CACNA1E: variants seen among roughly 807,000 people sequenced by gnomAD.
CACNA1E encodes the protein voltage-dependent R-type calcium channel subunit alpha-1E.
CACNA1E carries 40 observed loss-of-function variants against 259.2 expected under a neutral mutation model. The observed-to-expected ratio is 0.15, with a 90% CI of 0.12 to 0.20. The LOEUF (loss-of-function observed/expected upper bound fraction) is 0.20. Among genes scored for constraint, CACNA1E ranks in the 10% least tolerant of loss-of-function variants. CACNA1E has a pLI of 1.00. For missense variants in CACNA1E, 1,874 were observed against 3,040.1 expected, an observed-to-expected ratio of 0.62 and a Z score of 9.02; for synonymous variants, 1,104 against 1,138.5, an observed-to-expected ratio of 0.97 and a Z score of 0.61.
At chr1:181,442,240 A>ACACAGGTGTGAAGGG (rs140563710) in intron 2 of CACNA1E, among the ~76,000 whole-genome samples, 26,219 of 141,980 alleles carry the variant, frequency 0.18, 2,735 homozygotes, top group African/African-American at 0.26. Flanking sequence ...AGTATGAGGG[A>ACACAGGTGTGAAGGG]CACAGGTGTG....
rs573017643 is a variant in CACNA1E, at chr1:181,669,542, C to G, written c.1055+18101C>G. Among the ~76,000 whole-genome samples the G allele has an allele frequency of 6.6e-5, 10 of 152,306 alleles. No individual in the cohort carries two copies. The South Asian group carries it at 2.1e-3, about 32-fold the overall frequency. On this transcript the variant is annotated intron_variant, in intron 7 of 47. Coordinates refer to ENST00000367573, the MANE Select transcript of CACNA1E (RefSeq NM_001205293.3). The stretch of plus-strand genomic sequence containing the variant: ...TACTCCTCTATTAGAGCACTCGTTA[C>G]GTTATTTTATAGTTATTTGTGGAGG...
At chr1:181,329,073 GCTTT>G (rs35914852) in intron 1 of CACNA1E, among the ~76,000 whole-genome samples, 17,171 of 152,104 alleles carry the variant, frequency 0.11, 1,144 homozygotes, top group Middle Eastern at 0.19. Context: ...TTTTCCTCCA[GCTTT>G]CTTTGTCTTG....
intron 24 of CACNA1E, 83 bp downstream of exon 24, chr1:181,738,509 G>A (rs1656267128): frequency 9.1e-7 from 1 of 1,094,416 alleles, no homozygotes; most frequent in East Asian, 2.4e-5. Context: ...CTTCCTCAGT[G>A]TTACCACCTA....
At chr1:181,391,754 C>T (rs1557965505) in intron 1 of CACNA1E, among the ~76,000 whole-genome samples, 1 of 152,084 alleles carries the variant, frequency 6.6e-6, no homozygotes, top group African/African-American at 2.4e-5. Context: ...GAGTGTGGTG[C>T]AGTAAATTTC....
At chr1:181,661,035 G>T (rs1647613697) in intron 7 of CACNA1E, among the ~76,000 whole-genome samples, 1 of 152,166 alleles carries the variant, frequency 6.6e-6, no homozygotes, top group African/African-American at 2.4e-5. Context: ...CAAGGATCAG[G>T]TAAGGCCAAC....
At chr1:181,704,875 C>T (rs1280766257) in intron 7 of CACNA1E, among the ~76,000 whole-genome samples, 6 of 152,106 alleles carry the variant, frequency 3.9e-5, no homozygotes, top group African/African-American at 1.2e-4. Context: ...TTACCCCAGC[C>T]GACCTACCAG....
chr1:181,590,416 A>AAATATATATATATATATAT (rs1553291053), intron 6 of CACNA1E, among the ~76,000 whole-genome samples: 1 of 115,882 alleles, frequency 8.6e-6, no homozygotes, highest in African/African-American at 3.7e-5. Flanking sequence ...AAAAAAAAAA[A>AAATATATATATATATATAT]ATATATATAT....
In CACNA1E at chr1:181,771,313, A is replaced by G; in HGVS notation, c.4902A>G (p.Leu1634=). The part of the protein sequence containing the change: ...IGMQVFGNIK[L]DEESHINRHN... ...TCAAGGTATTTGGAAACATAAAATT[A>G]GACGAGGAGAGTCACATCAACCGGC... Residue 1634 remains leucine (L), a synonymous_variant, in exon 36 of 48, where the codon TTA becomes TTG. Coordinates refer to ENST00000367573, the MANE Select transcript of CACNA1E (RefSeq NM_001205293.3). 6.3e-7 allele frequency: 1 copy of G among 1,584,864 alleles called. No homozygotes were observed. Among genetic ancestry groups the G allele is most frequent in the Non-Finnish European group, 8.6e-7 (1 of 1,160,626 alleles).
At chr1:181,418,533 C>A (rs998560931) in intron 2 of CACNA1E, among the ~76,000 whole-genome samples, 3 of 152,164 alleles carry the variant, frequency 2.0e-5, no homozygotes, top group Non-Finnish European at 4.4e-5. Context: ...GGACCTCTTC[C>A]CTGAATTTAA....
At chr1:181,622,836 C>T (rs1005988344) in intron 6 of CACNA1E, among the ~76,000 whole-genome samples, 1 of 152,032 alleles carries the variant, frequency 6.6e-6, no homozygotes, top group Non-Finnish European at 1.5e-5. Context: ...CTATTTGAGC[C>T]TGGATCCAGA....
chr1:181,580,172 C>T (rs1651382861), intron 5 of CACNA1E, among the ~76,000 whole-genome samples: 1 of 152,134 alleles, frequency 6.6e-6, no homozygotes, highest in Admixed American at 6.5e-5. Flanking sequence ...AGGAGTTAAA[C>T]CCCCCTAAAA....
At chr1:181,726,227 C>A in intron 18 of CACNA1E, 65 bp downstream of exon 18, 1 of 1,149,508 alleles carries the variant, frequency 8.7e-7, no homozygotes, top group Non-Finnish European at 1.3e-6. Context: ...CATCAACTCA[C>A]AGAACTATTG....
At chr1:181,534,907 G>A (rs1381374058) in intron 3 of CACNA1E, among the ~76,000 whole-genome samples, 2 of 152,022 alleles carry the variant, frequency 1.3e-5, no homozygotes, top group Non-Finnish European at 2.9e-5. Context: ...TTGATCTTAT[G>A]TTTAAATGAC....
intron 6 of CACNA1E, among the ~76,000 whole-genome samples, chr1:181,625,047 CTTTTTT>C (rs3083524): frequency 3.9e-4 from 42 of 108,660 alleles, no homozygotes; most frequent in Admixed American, 4.8e-4. Flanking sequence ...TGAAAGGAAT[CTTTTTT>C]TTTTTTTTTT....
chr1:181,364,719 T>C (rs529080040), intron 1 of CACNA1E, among the ~76,000 whole-genome samples: 8 of 152,180 alleles, frequency 5.3e-5, no homozygotes, highest in Non-Finnish European at 1.0e-4. Context: ...TGGAGCAGCA[T>C]GTTGAGGCGA....
intron 1 of CACNA1E, among the ~76,000 whole-genome samples, chr1:181,502,232 C>T (rs1333004054): frequency 6.6e-6 from 1 of 152,080 alleles, no homozygotes; most frequent in Non-Finnish European, 1.5e-5. Context: ...TGTTGATCAG[C>T]CCAGAACAGA....
intron 6 of CACNA1E, among the ~76,000 whole-genome samples, chr1:181,640,569 A>G (rs1365326048): frequency 1.3e-5 from 2 of 152,224 alleles, no homozygotes; most frequent in Non-Finnish European, 1.5e-5. Flanking sequence ...GAGATGTTCA[A>G]TGATAAATTA....
At chr1:181,598,038 C>G (rs1653372460) in intron 6 of CACNA1E, among the ~76,000 whole-genome samples, 1 of 152,162 alleles carries the variant, frequency 6.6e-6, no homozygotes, top group Non-Finnish European at 1.5e-5. Context: ...AGGATCCTCC[C>G]AAGGTCATAC....
intron 33 of CACNA1E, 25 bp downstream of exon 33, chr1:181,762,682 C>G (rs1658688134): frequency 7.1e-7 from 1 of 1,410,588 alleles, no homozygotes; most frequent in South Asian, 1.2e-5. Flanking sequence ...AGATCCATGT[C>G]TGTAAGCTTG....
Sources: gnomAD v4.1 joint callset for allele counts (sites outside exome capture counted in the v4.1 genomes callset) on GRCh38, gnomAD v4.1.1 for gene constraint, MANE v1.5 for transcripts, NCBI Gene and HGNC (gene_info 2026-07-23, HGNC 2026-07-21) for gene names.